Variants in CIMAP2 observed in about 807,000 individuals in gnomAD.
CIMAP2 encodes the protein ciliary microtubule associated protein 2.
chr1:54,826,095 G>A, the CIMAP2 span, among the ~76,000 whole-genome samples: 1 of 152,152 alleles, frequency 6.6e-6, no homozygotes, highest in Non-Finnish European at 1.5e-5. Flanking sequence ...AAGTGGGGCG[G>A]GTGGATTCTT....
the CIMAP2 span, among the ~76,000 whole-genome samples, chr1:54,819,824 C>CTCTT: frequency 2.0e-5 from 2 of 100,210 alleles, no homozygotes; most frequent in African/African-American, 7.6e-5. Context: ...TTCTTTCTTT[C>CTCTT]TCTTTCTTTC....
the CIMAP2 span, chr1:54,811,765 G>GCCGGGGGGGGGGCCCCCCCCCCC: frequency 4.2e-5 from 55 of 1,301,182 alleles, no homozygotes; most frequent in Non-Finnish European, 5.1e-5. Context: ...GGTTCTGACA[G>GCCGGGGGGGGGGCCCCCCCCCCC]CCTCCATGCC....
At chr1:54,836,262 C>T in the CIMAP2 span, among the ~76,000 whole-genome samples, 6 of 149,784 alleles carry the variant, frequency 4.0e-5, no homozygotes, top group Admixed American at 1.3e-4. Context: ...CCCCTTCGCC[C>T]TCCCGCCTGC....
chr1:54,827,628 G>A, the CIMAP2 span, among the ~76,000 whole-genome samples: 39 of 152,200 alleles, frequency 2.6e-4, no homozygotes, highest in Non-Finnish European at 3.7e-4. Flanking sequence ...GAAAAATGAG[G>A]GTAAACTAAT....
chr1:54,807,351 C>T, the CIMAP2 span, among the ~76,000 whole-genome samples: 3 of 152,152 alleles, frequency 2.0e-5, no homozygotes, highest in African/African-American at 4.8e-5. Flanking sequence ...GAGGATGTCA[C>T]GATTGCACCT....
At chr1:54,827,052 T>C in the CIMAP2 span, among the ~76,000 whole-genome samples, 1 of 152,262 alleles carries the variant, frequency 6.6e-6, no homozygotes, top group Non-Finnish European at 1.5e-5. Flanking sequence ...GTAAATCATA[T>C]GAAATGAAAC....
chr1:54,825,688 T>C, the CIMAP2 span, among the ~76,000 whole-genome samples: 1 of 152,068 alleles, frequency 6.6e-6, no homozygotes, highest in African/African-American at 2.4e-5. Context: ...CCAGGTGATA[T>C]GTTTGGGTGC....
At chr1:54,828,116 A>G in the CIMAP2 span, among the ~76,000 whole-genome samples, 16 of 152,346 alleles carry the variant, frequency 1.1e-4, no homozygotes, top group East Asian at 3.1e-3. Flanking sequence ...AGGAAAAATA[A>G]ATAAGAAATA....
chr1:54,836,781 C>T, the CIMAP2 span, among the ~76,000 whole-genome samples: 2 of 151,856 alleles, frequency 1.3e-5, no homozygotes, highest in East Asian at 1.9e-4. Flanking sequence ...GAGGGGTAAA[C>T]GAGCCTGGCC....
the CIMAP2 span, chr1:54,841,866 C>G: frequency 1.1e-5 from 17 of 1,551,834 alleles, no homozygotes; most frequent in Non-Finnish European, 1.5e-5. Flanking sequence ...TCAGATCCTA[C>G]TCCTTAAAGC....
At chr1:54,828,859 T>G in the CIMAP2 span, among the ~76,000 whole-genome samples, 1 of 152,174 alleles carries the variant, frequency 6.6e-6, no homozygotes, top group African/African-American at 2.4e-5. Flanking sequence ...ATATTAAATC[T>G]TCCCAGTGAT....
the CIMAP2 span, among the ~76,000 whole-genome samples, chr1:54,810,369 C>T: frequency 6.6e-6 from 1 of 152,202 alleles, no homozygotes; most frequent in Non-Finnish European, 1.5e-5. Context: ...CTGACTTGGT[C>T]TCCCCCAGTC....
At chr1:54,811,656 A>G in the CIMAP2 span, 1 of 855,596 alleles carries the variant, frequency 1.2e-6, no homozygotes, top group Non-Finnish European at 1.9e-6. Context: ...GTTGTGTGTC[A>G]GAGGGCAGGT....
At chr1:54,832,793 C>T in the CIMAP2 span, among the ~76,000 whole-genome samples, 1 of 151,988 alleles carries the variant, frequency 6.6e-6, no homozygotes, top group African/African-American at 2.4e-5. Context: ...TTTGGGAGGC[C>T]GAGGCAGGAG....
chr1:54,817,244 C>A, the CIMAP2 span: 1 of 1,339,544 alleles, frequency 7.5e-7, no homozygotes, highest in Admixed American at 2.1e-5. Context: ...CTAATGCCAG[C>A]CAAACAGCAG....
the CIMAP2 span, among the ~76,000 whole-genome samples, chr1:54,822,109 G>A: frequency 2.2e-4 from 25 of 114,324 alleles, 6 homozygotes; most frequent in South Asian, 2.0e-3. Flanking sequence ...CATTTTAGCC[G>A]GGATGGTCTC....
chr1:54,821,894 T>TGTCTGAC, the CIMAP2 span, among the ~76,000 whole-genome samples: 2 of 79,340 alleles, frequency 2.5e-5, no homozygotes, highest in African/African-American at 1.3e-4. Context: ...TTCTTTTTTT[T>TGTCTGAC]TTTTTTTTTT....
At chr1:54,820,600 C>G in the CIMAP2 span, among the ~76,000 whole-genome samples, 2 of 152,238 alleles carry the variant, frequency 1.3e-5, no homozygotes, top group Non-Finnish European at 2.9e-5. Context: ...TTTGTTACTT[C>G]TTGTCTTTTT....
chr1:54,817,693 A>G, the CIMAP2 span, among the ~76,000 whole-genome samples: 218 of 152,138 alleles, frequency 1.4e-3, 1 homozygote, highest in African/African-American at 5.2e-3. Context: ...AAATGTTACA[A>G]TGTTGACAAA....
Sources: gnomAD v4.1 joint callset for allele counts (sites outside exome capture counted in the v4.1 genomes callset) on GRCh38, gnomAD v4.1.1 for gene constraint, MANE v1.5 for transcripts, NCBI Gene and HGNC (gene_info 2026-07-23, HGNC 2026-07-21) for gene names.